The following RAB31 variants were observed in gnomAD, a reference collection of about 807,000 sequenced individuals.
The protein encoded by RAB31 is ras-related protein Rab-31.
RAB31 carries 21 observed loss-of-function variants against 25.6 expected under a neutral mutation model. The observed-to-expected ratio is 0.82, with a 90% CI of 0.58 to 1.18. The LOEUF (loss-of-function observed/expected upper bound fraction) is 1.18. Among genes scored for constraint, RAB31 ranks in the 50% most tolerant of loss-of-function variants. The pLI is 0.00. For missense variants in RAB31, 196 were observed against 250.1 expected (o/e 0.78, Z 1.46); for synonymous variants, 87 against 84.0 (o/e 1.04, Z -0.20).
At chr18:9,755,077 A>G (rs2068254196) in intron 1 of RAB31, among the ~76,000 whole-genome samples, 2 of 152,196 alleles carry the variant, frequency 1.3e-5, no homozygotes, top group South Asian at 2.1e-4. Flanking sequence ...AAGGCGTCAC[A>G]CTAGTAAGTC....
intron 2 of RAB31, among the ~76,000 whole-genome samples, chr18:9,779,102 T>G (rs2068389152): frequency 6.6e-6 from 1 of 152,114 alleles, no homozygotes; most frequent in Non-Finnish European, 1.5e-5. Context: ...GGGATCGAAT[T>G]AGAAGTGGGC....
At chr18:9,780,892 C>T (rs1486662203) in intron 2 of RAB31, among the ~76,000 whole-genome samples, 1 of 152,186 alleles carries the variant, frequency 6.6e-6, no homozygotes, top group South Asian at 2.1e-4. Context: ...GATTGTGCCA[C>T]TGCACTCTAG....
intron 5 of RAB31, among the ~76,000 whole-genome samples, chr18:9,836,759 C>G (rs1292938588): frequency 1.4e-5 from 2 of 145,316 alleles, no homozygotes; most frequent in African/African-American, 5.2e-5. Context: ...GTGTGAGGAA[C>G]AGGGTGAAGC....
chr18:9,790,134 A>G (rs536034351), intron 2 of RAB31, among the ~76,000 whole-genome samples: 2 of 152,346 alleles, frequency 1.3e-5, no homozygotes, highest in South Asian at 4.1e-4. Context: ...TGAGGACACC[A>G]TGATCATACC....
chr18:9,837,391 TTAAAA>T (rs760143994), intron 5 of RAB31, among the ~76,000 whole-genome samples: 3 of 152,198 alleles, frequency 2.0e-5, no homozygotes, highest in Non-Finnish European at 4.4e-5. Flanking sequence ...CAAATAATTT[TTAAAA>T]TAATCTTAAA....
intron 3 of RAB31, among the ~76,000 whole-genome samples, chr18:9,792,599 T>C (rs2068466592): frequency 6.6e-6 from 1 of 152,214 alleles, no homozygotes; most frequent in African/African-American, 2.4e-5. Context: ...TCTCTACACC[T>C]ACCTTCAGCC....
At chr18:9,845,451 G>T in intron 5 of RAB31, 131 bp from the exon 6 acceptor site, 1 of 778,106 alleles carries the variant, frequency 1.3e-6, no homozygotes, top group Non-Finnish European at 1.9e-6. Flanking sequence ...GTCCATTCTT[G>T]CTGAGTGATT....
chr18:9,768,545 GT>G (rs538198957), intron 1 of RAB31, among the ~76,000 whole-genome samples: 9 of 151,210 alleles, frequency 6.0e-5, no homozygotes, highest in East Asian at 1.9e-4. Flanking sequence ...TTTTGATGGG[GT>G]TTTTTTTTCT....
At chr18:9,728,781 A>AC (rs1218098524) in intron 1 of RAB31, among the ~76,000 whole-genome samples, 2 of 151,962 alleles carry the variant, frequency 1.3e-5, no homozygotes, top group African/African-American at 2.4e-5. Flanking sequence ...CACGTGATGC[A>AC]CCCCTCCTTG....
intron 1 of RAB31, among the ~76,000 whole-genome samples, chr18:9,743,247 A>G (rs1361090855): frequency 2.6e-5 from 4 of 152,202 alleles, no homozygotes; most frequent in Non-Finnish European, 4.4e-5. Flanking sequence ...CCAGCACCTG[A>G]GGAAGAATGA....
chr18:9,859,179 T>C lies in RAB31; in HGVS notation c.491-49T>C. ...GCAGGGTGAAAATCTGTGTGTGCAGTGTTGGCTGTAGGAAAGGGAACTCAC... is the reference window on the plus strand; with the variant it reads ...GCAGGGTGAAAATCTGTGTGTGCAGCGTTGGCTGTAGGAAAGGGAACTCAC... On this transcript the variant is annotated intron_variant, in intron 6 of 6. Coordinates refer to ENST00000578921, the MANE Select transcript of RAB31 (RefSeq NM_006868.4). 4.1e-6 allele frequency: 6 copies of C among 1,458,544 alleles called. 1 individual carries two copies. In the South Asian group the frequency reaches 5.7e-5, roughly 14 times the overall value. The allele number at this position is 1,458,544 out of a possible 1,614,324, so 90.4% of individuals were successfully genotyped here. A position where few individuals can be genotyped will look rare whatever the true frequency, so the allele number is the denominator to read the frequency against.
intron 6 of RAB31, among the ~76,000 whole-genome samples, chr18:9,853,881 AAG>A (rs1386793963): frequency 8.2e-6 from 1 of 121,486 alleles, no homozygotes; most frequent in Non-Finnish European, 1.9e-5. Context: ...CAATTAAAAA[AAG>A]AAAGAGAAAG....
chr18:9,841,191 C>T (rs919521070), intron 5 of RAB31, among the ~76,000 whole-genome samples: 1 of 151,892 alleles, frequency 6.6e-6, no homozygotes, highest in African/African-American at 2.4e-5. Context: ...CTTGACCTCC[C>T]AAAGTGCTGG....
intron 1 of RAB31, among the ~76,000 whole-genome samples, chr18:9,740,924 G>A (rs950586551): frequency 1.3e-5 from 2 of 152,082 alleles, no homozygotes; most frequent in Non-Finnish European, 2.9e-5. Flanking sequence ...CAGTAGCAGC[G>A]CACACTGCAA....
intron 3 of RAB31, among the ~76,000 whole-genome samples, chr18:9,803,254 T>TTTTTTC (rs2068523154): frequency 6.6e-6 from 1 of 151,416 alleles, no homozygotes; most frequent in African/African-American, 2.4e-5. Context: ...TTTTTTTTTT[T>TTTTTTC]AGGCAGGGTC....
At chr18:9,853,698 G>A (rs923947236) in intron 6 of RAB31, among the ~76,000 whole-genome samples, 1 of 152,132 alleles carries the variant, frequency 6.6e-6, no homozygotes, top group Non-Finnish European at 1.5e-5. Context: ...TAATAGTAAT[G>A]TCTTCAGCAA....
chr18:9,752,317 T>C (rs987314159), intron 1 of RAB31, among the ~76,000 whole-genome samples: 10 of 152,112 alleles, frequency 6.6e-5, no homozygotes, highest in Non-Finnish European at 1.5e-4. Context: ...CTGTGCCTCC[T>C]GGGTTCAAGT....
intron 6 of RAB31, among the ~76,000 whole-genome samples, chr18:9,857,897 G>A (rs1403626619): frequency 6.6e-6 from 1 of 151,892 alleles, no homozygotes; most frequent in Non-Finnish European, 1.5e-5. Context: ...GGGCATGGTG[G>A]CGCACACCTA....
chr18:9,781,153 A>G (rs569142166), intron 2 of RAB31, among the ~76,000 whole-genome samples: 81 of 150,948 alleles, frequency 5.4e-4, no homozygotes, highest in African/African-American at 1.9e-3. Context: ...AGCTTTAGGT[A>G]TTTTTTTTTG....
Sources: allele counts gnomAD v4.1 joint callset (sites outside exome capture counted in the v4.1 genomes callset), GRCh38; gene constraint gnomAD v4.1.1; transcripts MANE v1.5; gene names NCBI Gene and HGNC (gene_info 2026-07-23, HGNC 2026-07-21).